Variants in NELL2 observed in about 807,000 individuals in gnomAD.
NELL2 encodes the protein neural EGFL like 2.
A neutral mutation model predicts 109.6 loss-of-function variants in NELL2; 41 were observed. That is an observed-to-expected ratio of 0.37 (90% confidence interval 0.29 to 0.49). The LOEUF (loss-of-function observed/expected upper bound fraction) is 0.49. Ranked by LOEUF, NELL2 falls within the 20% of genes least tolerant of loss-of-function variation. NELL2 has a pLI of 0.98. For missense variants in NELL2, 900 were observed against 1,008.3 expected (o/e 0.89, Z 1.45); for synonymous variants, 355 against 344.7 (o/e 1.03, Z -0.33).
At chr12:44,873,828 T>A (rs1945235568) in intron 2 of NELL2, among the ~76,000 whole-genome samples, 1 of 152,084 alleles carries the variant, frequency 6.6e-6, no homozygotes, top group Non-Finnish European at 1.5e-5. Context: ...CCTTATCTTC[T>A]TTATTATATT....
chr12:44,586,687 C>T (rs1944519075), intron 15 of NELL2, among the ~76,000 whole-genome samples: 1 of 152,112 alleles, frequency 6.6e-6, no homozygotes, highest in African/African-American at 2.4e-5. Flanking sequence ...AGTTGCTATG[C>T]CAAGTACAAT....
intron 13 of NELL2, among the ~76,000 whole-genome samples, chr12:44,615,586 A>G (rs1340114057): frequency 6.6e-6 from 1 of 152,132 alleles, no homozygotes; most frequent in African/African-American, 2.4e-5. Context: ...TGATTGCCCA[A>G]CATATTTAAT....
intron 9 of NELL2, among the ~76,000 whole-genome samples, chr12:44,758,638 CA>C (rs1940994124): frequency 6.6e-6 from 1 of 152,112 alleles, no homozygotes; most frequent in African/African-American, 2.4e-5. Flanking sequence ...GATGAAGATA[CA>C]GAGATAAATG....
intron 12 of NELL2, among the ~76,000 whole-genome samples, chr12:44,666,220 T>C (rs929253906): frequency 4.6e-5 from 7 of 152,322 alleles, no homozygotes; most frequent in Non-Finnish European, 8.8e-5. Context: ...AGATCTTACA[T>C]GGTAATTCAC....
intron 9 of NELL2, among the ~76,000 whole-genome samples, chr12:44,763,420 AT>A (rs921858198): frequency 2.0e-5 from 3 of 152,136 alleles, no homozygotes; most frequent in African/African-American, 7.2e-5. Flanking sequence ...TATCTACTGC[AT>A]TTTTTCCTCT....
chr12:44,811,337 T>TAAAAAAAAAAA (rs10683929), intron 3 of NELL2, among the ~76,000 whole-genome samples: 92 of 103,156 alleles, frequency 8.9e-4, no homozygotes, highest in African/African-American at 2.4e-3. Flanking sequence ...GAACTAAAAG[T>TAAAAAAAAAAA]AAAAAAAAAA....
chr12:44,902,811 C>T (rs1945676765), intron 1 of NELL2, among the ~76,000 whole-genome samples: 1 of 152,130 alleles, frequency 6.6e-6, no homozygotes, highest in African/African-American at 2.4e-5. Context: ...GAAAGGATTC[C>T]CTATAAAATA....
At chr12:44,616,765 T>C (rs943946329) in intron 13 of NELL2, among the ~76,000 whole-genome samples, 1 of 152,176 alleles carries the variant, frequency 6.6e-6, no homozygotes, top group African/African-American at 2.4e-5. Flanking sequence ...AAAGCAAATA[T>C]GTAGTGACCT....
chr12:44,518,331 A>G (rs756559105), intron 19 of NELL2, among the ~76,000 whole-genome samples: 3 of 149,290 alleles, frequency 2.0e-5, no homozygotes, highest in Non-Finnish European at 3.0e-5. Context: ...TGCAAGCTCC[A>G]CCTCCCGGGT....
At chr12:44,749,993 T>C (rs1940574765) in intron 9 of NELL2, among the ~76,000 whole-genome samples, 2 of 150,254 alleles carry the variant, frequency 1.3e-5, no homozygotes, top group Non-Finnish European at 3.0e-5. Flanking sequence ...AAAGGAGAAA[T>C]TAGAAAAGGT....
intron 2 of NELL2, among the ~76,000 whole-genome samples, chr12:44,874,203 C>A (rs1158669936): frequency 1.3e-5 from 2 of 152,098 alleles, no homozygotes; most frequent in African/African-American, 4.8e-5. Context: ...ATATCCAACT[C>A]TTTAGTAATT....
rs138454729 is a variant in NELL2, at chr12:44,665,527, G to A, written c.1401C>T (p.Ile467=). The A allele has an allele frequency of 1.2e-6, 2 of 1,613,586 alleles. No homozygotes were observed. The highest frequency in any genetic ancestry group is 1.7e-5 in the Admixed American group (1 of 60,002). ...CAATTCTGATGTATCCAGTTTTGCA[G>A]ATGCACATAAAAGAACCCGGGGTGT... is the stretch of plus-strand genomic sequence containing the variant. The part of the protein sequence containing the change: ...CVNTPGSFMC[I]CKTGYIRIDD... The change falls in exon 13 of 20, where the codon ATC becomes ATT. Residue 467 remains isoleucine (I), a synonymous_variant. Transcript: ENST00000429094.
chr12:44,754,956 C>T (rs1160714395), intron 9 of NELL2, among the ~76,000 whole-genome samples: 3 of 152,290 alleles, frequency 2.0e-5, no homozygotes, highest in Non-Finnish European at 4.4e-5. Context: ...TTCTTTTCCC[C>T]CACTTTGTGA....
intron 2 of NELL2, among the ~76,000 whole-genome samples, chr12:44,823,554 C>T (rs1023980864): frequency 2.0e-5 from 3 of 152,178 alleles, no homozygotes; most frequent in African/African-American, 7.2e-5. Context: ...CATGTTGCTG[C>T]AAAAGATATG....
At chr12:44,544,675 C>T (rs1942721532) in intron 15 of NELL2, among the ~76,000 whole-genome samples, 1 of 151,894 alleles carries the variant, frequency 6.6e-6, no homozygotes, top group South Asian at 2.1e-4. Flanking sequence ...TATTTAAAAA[C>T]ATTTAGGAAT....
chr12:44,866,786 G>A (rs1945013038), intron 2 of NELL2, among the ~76,000 whole-genome samples: 1 of 151,888 alleles, frequency 6.6e-6, no homozygotes, highest in African/African-American at 2.4e-5. Context: ...AGAAATGAAA[G>A]AAGAGACATT....
At chr12:44,713,227 G>C (rs1043954531) in intron 10 of NELL2, among the ~76,000 whole-genome samples, 3 of 141,056 alleles carry the variant, frequency 2.1e-5, no homozygotes, top group East Asian at 2.0e-4. Context: ...GAGAGAGACA[G>C]AGAGAGAGAG....
intron 15 of NELL2, among the ~76,000 whole-genome samples, chr12:44,553,250 C>A (rs1943110664): frequency 7.3e-6 from 1 of 137,804 alleles, no homozygotes; most frequent in African/African-American, 2.7e-5. Flanking sequence ...GCACATGTAC[C>A]CTAAAACTTA....
rs372494322 is a variant in NELL2 at position 44,751,892 on chromosome 12, GGAA to G, written c.994+22852_994+22854del. On this transcript the variant is annotated intron_variant, in intron 9 of 19. Coordinates refer to ENST00000429094, the MANE Select transcript of NELL2 (RefSeq NM_001145108.2). Reference sequence around the variant, plus strand: ...TATTCTGGATTCCCTGGGCCACATTGGAAGAAGAAGAATTATCTTGAGCCACAC... The same window carrying G: ...TATTCTGGATTCCCTGGGCCACATTGGAAGAAGAATTATCTTGAGCCACAC... 4.0e-3 allele frequency among the ~76,000 whole-genome samples: 614 copies of G among 151,966 alleles called. 4 individuals are homozygous for G. The highest frequency in any genetic ancestry group is 0.014 in the African/African-American group (574 of 41,418).
Sources: gnomAD v4.1 joint callset for allele counts (sites outside exome capture counted in the v4.1 genomes callset) on GRCh38, gnomAD v4.1.1 for gene constraint, MANE v1.5 for transcripts, NCBI Gene and HGNC (gene_info 2026-07-23, HGNC 2026-07-21) for gene names.